Variants in REPS2 observed in about 807,000 individuals in gnomAD.
REPS2 encodes ralBP1-associated Eps domain-containing protein 2.
In REPS2, 23 loss-of-function variants were observed where a neutral mutation model predicts 53.6. That is an observed-to-expected ratio of 0.43 (90% CI 0.31 to 0.61). The LOEUF (loss-of-function observed/expected upper bound fraction) is 0.61, where lower values mean the gene tolerates loss of function less well. REPS2 is among the 20% of genes least tolerant of loss of function. The probability of loss-of-function intolerance (pLI) is 0.11; values close to 1 mark genes in which losing one functional copy is unlikely to be tolerated. For synonymous variants in REPS2, 238 were observed against 218.6 expected, an observed-to-expected ratio of 1.09 and a Z score of -0.78; for missense variants, 446 against 534.9, an observed-to-expected ratio of 0.83 and a Z score of 1.64.
intron 16 of REPS2, 86 bp downstream of exon 16, chrX:17,135,492 G>T (rs768321357): frequency 6.0e-6 from 6 of 1,003,581 alleles, no homozygotes; most frequent in Non-Finnish European, 5.4e-6. Context: ...ATTTACGTGC[G>T]CACCAACAGA....
chrX:17,100,159 C>T, intron 13 of REPS2: 3 of 650,127 alleles, frequency 4.6e-6, no homozygotes, highest in Non-Finnish European at 7.7e-6. Context: ...TCTCTTCTGA[C>T]TCCCATGTGT....
At chrX:17,134,617 T>TTTTTTG (rs1490842506) in intron 15 of REPS2, among the ~76,000 whole-genome samples, 3 of 111,613 alleles carry the variant, frequency 2.7e-5, no homozygotes, top group East Asian at 5.7e-4. Context: ...GCTTAGGTTT[T>TTTTTTG]TTTTTGTTTT....
At chrX:17,143,830 T>C (rs1243827514) in intron 17 of REPS2, among the ~76,000 whole-genome samples, 1 of 111,922 alleles carries the variant, frequency 8.9e-6, no homozygotes, top group Non-Finnish European at 1.9e-5. Context: ...TGTGCAGAAC[T>C]CGTTGTGATC....
intron 2 of REPS2, 31 bp downstream of exon 2, chrX:17,006,375 T>C: frequency 8.6e-7 from 1 of 1,165,893 alleles, no homozygotes; most frequent in Non-Finnish European, 1.2e-6. Flanking sequence ...TGTTTTATTG[T>C]CCATGGCGAG....
intron 2 of REPS2, among the ~76,000 whole-genome samples, chrX:17,021,200 T>C (rs1003474702): frequency 5.3e-5 from 6 of 112,586 alleles, no homozygotes; most frequent in African/African-American, 1.6e-4. Flanking sequence ...TAATCCATAA[T>C]GTCCCCATTT....
At chrX:16,953,041 A>T (rs1454088433) in intron 1 of REPS2, among the ~76,000 whole-genome samples, 3 of 109,743 alleles carry the variant, frequency 2.7e-5, no homozygotes, top group Non-Finnish European at 5.7e-5. Context: ...AGGCCATTGC[A>T]CTCCAGCCTG....
At chrX:17,091,166 G>A (rs1281258382) in intron 13 of REPS2, among the ~76,000 whole-genome samples, 1 of 111,904 alleles carries the variant, frequency 8.9e-6, no homozygotes, top group Non-Finnish European at 1.9e-5. Flanking sequence ...GTAATCCCAC[G>A]ACTCAGAAGT....
At chrX:17,014,190 G>A (rs892761132) in intron 2 of REPS2, among the ~76,000 whole-genome samples, 6 of 111,734 alleles carry the variant, frequency 5.4e-5, no homozygotes, top group Non-Finnish European at 1.1e-4. Flanking sequence ...GCAGTGTATG[G>A]GATGGATATA....
Position 16,983,135 on chromosome X carries a change from C to G in REPS2, c.274-23086C>G, listed in dbSNP as rs754388546. ...GTCAATAGTGCTGAAGTTTAGAAAC[C>G]CTGCTTTAGTATAACCTAGTTTATC... On this transcript the variant is annotated intron_variant, in intron 1 of 17. Transcript: ENST00000357277. Among the ~76,000 whole-genome samples the G allele has an allele frequency of 1.6e-4, 18 of 111,577 alleles. 1 individual carries two copies. The highest frequency in any genetic ancestry group is 1.9e-4 in the Admixed American group (2 of 10,525).
intron 5 of REPS2, among the ~76,000 whole-genome samples, chrX:17,047,143 T>G (rs1194131815): frequency 8.9e-6 from 1 of 112,040 alleles, no homozygotes; most frequent in Non-Finnish European, 1.9e-5. Flanking sequence ...CTGTTAACTT[T>G]GAAGAATACA....
chrX:17,175,629 A>ATGG, the REPS2 span, among the ~76,000 whole-genome samples: 1 of 112,488 alleles, frequency 8.9e-6, no homozygotes, highest in Non-Finnish European at 1.9e-5. Context: ...TGCTTTTGTC[A>ATGG]TGGTCCAACT....
rs983687353 is a variant in REPS2, at chrX:17,062,517, C to T, written c.1194C>T (p.Asp398=). Residue 398 remains aspartate (D), a synonymous_variant, in exon 9 of 18, where the codon GAC becomes GAT. Transcript: ENST00000357277. ...TGCCGGCAAATCAACAACCTCGTGA[C>T]TTGAATCGGATGGAGGTAAAAGATC... The part of the protein sequence containing the change: ...ESLPANQQPR[D]LNRMEKTSVK... The T allele has an allele frequency of 3.3e-6, 4 of 1,195,715 alleles. No individual in the cohort carries two copies. The African/African-American group carries it at 7.0e-5, about 21-fold the overall frequency.
intron 13 of REPS2, among the ~76,000 whole-genome samples, chrX:17,081,918 A>G (rs1372482977): frequency 8.9e-6 from 1 of 112,666 alleles, no homozygotes; most frequent in Non-Finnish European, 1.9e-5. Flanking sequence ...TTATGTCTCT[A>G]TATTTATAGC....
chrX:17,170,243 AGCGTTCTG>A, the REPS2 span, among the ~76,000 whole-genome samples: 2 of 112,118 alleles, frequency 1.8e-5, no homozygotes, highest in African/African-American at 6.5e-5. Flanking sequence ...TGGCTCCTCC[AGCGTTCTG>A]GTACTAAGAA....
At chrX:17,170,408 C>T in the REPS2 span, among the ~76,000 whole-genome samples, 4 of 112,623 alleles carry the variant, frequency 3.6e-5, no homozygotes, top group Admixed American at 9.3e-5. Flanking sequence ...ATATTTACGC[C>T]TAAACTTGTT....
At chrX:16,964,732 G>A (rs747592768) in intron 1 of REPS2, among the ~76,000 whole-genome samples, 4 of 102,608 alleles carry the variant, frequency 3.9e-5, no homozygotes, top group East Asian at 6.4e-4. Flanking sequence ...CAGTAGGGGC[G>A]GCCGGGCAGA....
chrX:17,192,924 C>T, the REPS2 span, among the ~76,000 whole-genome samples: 1 of 112,519 alleles, frequency 8.9e-6, no homozygotes, highest in Non-Finnish European at 1.9e-5. Flanking sequence ...TTCTGCTTAA[C>T]ATAACACCTG....
chrX:17,105,983 C>CTGCT (rs1358631601), intron 14 of REPS2, among the ~76,000 whole-genome samples: 3 of 111,925 alleles, frequency 2.7e-5, no homozygotes, highest in African/African-American at 9.7e-5. Flanking sequence ...GATTTGCAGA[C>CTGCT]TGCTGCCCCT....
chrX:17,196,281 C>G, the REPS2 span, among the ~76,000 whole-genome samples: 1,051 of 111,642 alleles, frequency 9.4e-3, 39 homozygotes, highest in Admixed American at 0.086. Context: ...AAGGAGTTTT[C>G]CTAGGACTCC....
Sources: allele counts gnomAD v4.1 joint callset (sites outside exome capture counted in the v4.1 genomes callset), GRCh38; gene constraint gnomAD v4.1.1; transcripts MANE v1.5; gene names NCBI Gene and HGNC (gene_info 2026-07-23, HGNC 2026-07-21).